Variants in SRPK1 observed in about 807,000 individuals in gnomAD.
The protein encoded by SRPK1 is SFRS protein kinase 1.
SRPK1 carries 52 observed loss-of-function variants against 89.5 expected under a neutral mutation model. The observed-to-expected ratio is 0.58, with a 90% CI of 0.46 to 0.73. The LOEUF (loss-of-function observed/expected upper bound fraction) is 0.73. Among genes scored for constraint, SRPK1 ranks in the 30% least tolerant of loss-of-function variants. The probability of loss-of-function intolerance (pLI) is 0.00; values close to 1 mark genes in which losing one functional copy is unlikely to be tolerated. For synonymous variants in SRPK1, 255 were observed against 270.2 expected (o/e 0.94, Z 0.55); for missense variants, 603 against 780.6 (o/e 0.77, Z 2.71).
At chr6:35,917,727 C>T (rs140324693) in intron 2 of SRPK1, among the ~76,000 whole-genome samples, 44 of 152,268 alleles carry the variant, frequency 2.9e-4, no homozygotes, top group African/African-American at 9.6e-4. Flanking sequence ...TGACACAACA[C>T]GACTAAATTA....
At chr6:35,920,804 A>G (rs913042042) in intron 1 of SRPK1, 30 of 458,266 alleles carry the variant, frequency 6.5e-5, no homozygotes, top group African/African-American at 4.1e-4. Context: ...AGTGGCCCCA[A>G]GGCGCGAGCC....
At chr6:35,906,473 C>A (rs1427393271) in intron 2 of SRPK1, among the ~76,000 whole-genome samples, 1 of 152,204 alleles carries the variant, frequency 6.6e-6, no homozygotes. Context: ...GATCCACCGG[C>A]CTTGGCCTCC....
chr6:35,873,872 G>A (rs1394858442), intron 7 of SRPK1, among the ~76,000 whole-genome samples: 3 of 151,728 alleles, frequency 2.0e-5, no homozygotes, highest in African/African-American at 7.3e-5. Context: ...TGTCGCCCAG[G>A]CTGGAGTGCA....
chr6:35,918,564 T>C lies in SRPK1; in HGVS notation c.74+1904A>G, dbSNP rs527897281. ...CAAACAAACAAAAAAAACTTATTAA[T>C]TGGAAACAAATCCAAAAATAAAACA... On this transcript the variant is annotated intron_variant, in intron 2 of 15. Transcript: ENST00000373825. 1.1e-4 allele frequency among the ~76,000 whole-genome samples: 17 copies of C among 152,224 alleles called. No individual in the cohort carries two copies. The East Asian group carries it at 1.9e-3, about 17-fold the overall frequency.
chr6:35,848,293 A>T (rs776181144), intron 13 of SRPK1, among the ~76,000 whole-genome samples: 1 of 152,222 alleles, frequency 6.6e-6, no homozygotes, highest in Non-Finnish European at 1.5e-5. Flanking sequence ...ATGGTGGCTC[A>T]CGCCTGTAAT....
At chr6:35,851,085 A>C (rs1451527773) in intron 13 of SRPK1, among the ~76,000 whole-genome samples, 1 of 152,200 alleles carries the variant, frequency 6.6e-6, no homozygotes, top group Non-Finnish European at 1.5e-5. Context: ...CAGAGAAAGG[A>C]AATTAGGAGG....
At chr6:35,857,608 A>G (rs1769691678) in intron 12 of SRPK1, among the ~76,000 whole-genome samples, 1 of 152,212 alleles carries the variant, frequency 6.6e-6, no homozygotes, top group East Asian at 1.9e-4. Flanking sequence ...ACACAGGTCT[A>G]GGAAACAACA....
intron 12 of SRPK1, among the ~76,000 whole-genome samples, chr6:35,867,579 G>A (rs1348947762): frequency 1.3e-5 from 2 of 152,160 alleles, no homozygotes; most frequent in Non-Finnish European, 2.9e-5. Context: ...ACTTTGGGAG[G>A]CCGAGACGGG....
At chr6:35,838,627 T>C in intron 14 of SRPK1, 198 bp from the exon 15 acceptor site, 1 of 1,555,614 alleles carries the variant, frequency 6.4e-7, no homozygotes, top group Non-Finnish European at 8.7e-7. Context: ...TTTTTGTGGA[T>C]TCAGTGATAA....
At chr6:35,905,919 C>T (rs1770838396) in intron 2 of SRPK1, among the ~76,000 whole-genome samples, 1 of 152,026 alleles carries the variant, frequency 6.6e-6, no homozygotes, top group Admixed American at 6.6e-5. Flanking sequence ...AAGCTCTAGT[C>T]ACAGAAAAAG....
chr6:35,886,098 T>A (rs1412482195), intron 6 of SRPK1, among the ~76,000 whole-genome samples: 5 of 137,664 alleles, frequency 3.6e-5, no homozygotes, highest in Non-Finnish European at 4.7e-5. Context: ...TTTTTTTTTT[T>A]AGACAGAGTC....
chr6:35,891,034 GC>G, intron 2 of SRPK1, 21 bp from the exon 3 acceptor site: 1 of 1,542,524 alleles, frequency 6.5e-7, no homozygotes. Context: ...ATACAAAAAT[GC>G]CCATTCCATT....
At chr6:35,867,168 A>G (rs182011904) in intron 12 of SRPK1, among the ~76,000 whole-genome samples, 1 of 152,352 alleles carries the variant, frequency 6.6e-6, no homozygotes. Context: ...AATTAAAAAA[A>G]AAAGTATCAC....
At chr6:35,894,283 A>G (rs1442183640) in intron 2 of SRPK1, among the ~76,000 whole-genome samples, 1 of 152,222 alleles carries the variant, frequency 6.6e-6, no homozygotes, top group African/African-American at 2.4e-5. Flanking sequence ...CATACAGACT[A>G]TGATGCTCTA....
At chr6:35,858,872 A>G (rs1021265343) in intron 12 of SRPK1, among the ~76,000 whole-genome samples, 8 of 152,224 alleles carry the variant, frequency 5.3e-5, no homozygotes, top group African/African-American at 1.7e-4. Flanking sequence ...CAATCAGATC[A>G]ATACAGATTA....
At chr6:35,885,650 A>T (rs747411513) in intron 6 of SRPK1, among the ~76,000 whole-genome samples, 13 of 152,114 alleles carry the variant, frequency 8.5e-5, no homozygotes, top group Non-Finnish European at 1.8e-4. Flanking sequence ...AAAGTAAAAT[A>T]ATGTATGAAA....
intron 6 of SRPK1, among the ~76,000 whole-genome samples, chr6:35,878,594 GCA>G (rs1238415858): frequency 6.6e-6 from 1 of 152,180 alleles, no homozygotes; most frequent in East Asian, 1.9e-4. Context: ...AAGCAGCCCT[GCA>G]CACAGTTTGT....
At chr6:35,910,183 AT>A (rs1016546190) in intron 2 of SRPK1, among the ~76,000 whole-genome samples, 2 of 151,984 alleles carry the variant, frequency 1.3e-5, no homozygotes, top group African/African-American at 4.8e-5. Context: ...GGCTTTCACC[AT>A]GTTGGTCAGG....
At chr6:35,890,770 G>T in intron 3 of SRPK1, 125 bp downstream of exon 3, 1 of 761,654 alleles carries the variant, frequency 1.3e-6, no homozygotes, top group Non-Finnish European at 1.9e-6. Flanking sequence ...TATTTCCTAT[G>T]TTTTAGAGAA....
Sources: gnomAD v4.1 joint callset for allele counts (sites outside exome capture counted in the v4.1 genomes callset) on GRCh38, gnomAD v4.1.1 for gene constraint, MANE v1.5 for transcripts, NCBI Gene and HGNC (gene_info 2026-07-23, HGNC 2026-07-21) for gene names.